The following ATOSA variants were observed in gnomAD, a reference collection of about 807,000 sequenced individuals.
The protein encoded by ATOSA is atos homolog protein A.
the ATOSA span, among the ~76,000 whole-genome samples, chr15:52,640,082 C>A: frequency 6.6e-6 from 1 of 151,852 alleles, no homozygotes; most frequent in African/African-American, 2.4e-5. Context: ...CCTATTTAAT[C>A]TTCATAAAAT....
At chr15:52,654,218 CACA>C in the ATOSA span, among the ~76,000 whole-genome samples, 2 of 152,092 alleles carry the variant, frequency 1.3e-5, no homozygotes, top group Admixed American at 6.6e-5. Context: ...TGTATTTAGT[CACA>C]ACATGTAATT....
the ATOSA span, among the ~76,000 whole-genome samples, chr15:52,700,657 A>T: frequency 6.6e-6 from 1 of 152,208 alleles, no homozygotes; most frequent in African/African-American, 2.4e-5. Context: ...GCAGACCAAG[A>T]TGTCTGTAAT....
the ATOSA span, chr15:52,651,831 C>G: frequency 6.5e-7 from 1 of 1,531,606 alleles, no homozygotes; most frequent in South Asian, 1.2e-5. Context: ...AAATTGGAAG[C>G]TTAAAAATAA....
At chr15:52,706,847 G>A in the ATOSA span, among the ~76,000 whole-genome samples, 1 of 152,104 alleles carries the variant, frequency 6.6e-6, no homozygotes, top group Non-Finnish European at 1.5e-5. Context: ...TTCAGAATAC[G>A]CAAATCTGTA....
chr15:52,651,874 T>C, the ATOSA span: 3 of 1,535,430 alleles, frequency 2.0e-6, no homozygotes, highest in African/African-American at 4.1e-5. Flanking sequence ...ACACACCTTC[T>C]CTGTGAAGCC....
At chr15:52,651,610 C>G in the ATOSA span, among the ~76,000 whole-genome samples, 1 of 152,172 alleles carries the variant, frequency 6.6e-6, no homozygotes, top group African/African-American at 2.4e-5. Flanking sequence ...AAAGTGAGCA[C>G]ATTGTACTTG....
the ATOSA span, among the ~76,000 whole-genome samples, chr15:52,626,758 C>T: frequency 1.3e-5 from 2 of 152,042 alleles, no homozygotes; most frequent in East Asian, 1.9e-4. Flanking sequence ...ATCCAGTGTG[C>T]CAAACTCTAC....
At chr15:52,587,344 T>C in the ATOSA span, 1 of 780,728 alleles carries the variant, frequency 1.3e-6, no homozygotes, top group Admixed American at 2.9e-5. Flanking sequence ...AACATTCATA[T>C]TGAATTAATA....
chr15:52,627,680 G>A, the ATOSA span, among the ~76,000 whole-genome samples: 2 of 151,670 alleles, frequency 1.3e-5, no homozygotes, highest in Non-Finnish European at 2.9e-5. Flanking sequence ...CAATGCTTAT[G>A]CATTTTTTTT....
chr15:52,701,785 G>T, the ATOSA span, among the ~76,000 whole-genome samples: 1 of 152,012 alleles, frequency 6.6e-6, no homozygotes, highest in African/African-American at 2.4e-5. Flanking sequence ...GAAATTGGGG[G>T]AAAATATCTG....
the ATOSA span, chr15:52,593,654 C>T: frequency 6.4e-7 from 1 of 1,561,252 alleles, no homozygotes; most frequent in Non-Finnish European, 8.7e-7. Context: ...ATGTGTGGGG[C>T]AGAAAGCACC....
the ATOSA span, among the ~76,000 whole-genome samples, chr15:52,701,329 C>T: frequency 6.6e-6 from 1 of 152,090 alleles, no homozygotes; most frequent in South Asian, 2.1e-4. Flanking sequence ...ATCCCAGCTA[C>T]TTGGGAAGCT....
the ATOSA span, among the ~76,000 whole-genome samples, chr15:52,633,392 C>T: frequency 6.6e-6 from 1 of 152,196 alleles, no homozygotes; most frequent in African/African-American, 2.4e-5. Context: ...CAGGACAGGA[C>T]TGTTATCCCA....
At chr15:52,662,642 T>C in the ATOSA span, among the ~76,000 whole-genome samples, 331 of 150,818 alleles carry the variant, frequency 2.2e-3, no homozygotes, top group Middle Eastern at 0.01. Context: ...CGGTGGCGGG[T>C]GCCTGTAGTC....
At chr15:52,597,278 G>C in the ATOSA span, among the ~76,000 whole-genome samples, 2 of 150,910 alleles carry the variant, frequency 1.3e-5, no homozygotes, top group African/African-American at 2.4e-5. Flanking sequence ...TTCTAATGTA[G>C]TTACCCAAGT....
At chr15:52,600,777 A>G in the ATOSA span, among the ~76,000 whole-genome samples, 2 of 151,914 alleles carry the variant, frequency 1.3e-5, no homozygotes, top group Non-Finnish European at 2.9e-5. Flanking sequence ...CAACACGGAA[A>G]AAAATGGCCA....
chr15:52,652,082 A>G, the ATOSA span: 1 of 1,437,142 alleles, frequency 7.0e-7, no homozygotes, highest in Middle Eastern at 2.1e-4. Context: ...CGCACATAGC[A>G]ACAGCACTCA....
chr15:52,611,087 TG>T, the ATOSA span: 2 of 1,540,940 alleles, frequency 1.3e-6, no homozygotes, highest in South Asian at 2.5e-5. Context: ...CTAACCAAGG[TG>T]GCTGAATACG....
the ATOSA span, among the ~76,000 whole-genome samples, chr15:52,646,885 T>C: frequency 3.3e-5 from 5 of 151,912 alleles, no homozygotes; most frequent in African/African-American, 1.2e-4. Flanking sequence ...CAGCACATTC[T>C]CAAAAGGGTC....
Sources: gnomAD v4.1 joint callset for allele counts (sites outside exome capture counted in the v4.1 genomes callset) on GRCh38, gnomAD v4.1.1 for gene constraint, MANE v1.5 for transcripts, NCBI Gene and HGNC (gene_info 2026-07-23, HGNC 2026-07-21) for gene names.